The following USP36 variants were observed in gnomAD, a reference collection of about 807,000 sequenced individuals.
USP36 encodes the protein ubiquitin specific peptidase 36.
In USP36, 59 loss-of-function variants were observed where a neutral mutation model predicts 111.5. The observed-to-expected ratio is 0.53, with a 90% confidence interval of 0.43 to 0.66. USP36 has a LOEUF of 0.66. USP36 is among the 30% of genes least tolerant of loss of function. The pLI is 0.00. For synonymous variants in USP36, 628 were observed against 581.0 expected, an observed-to-expected ratio of 1.08 and a Z score of -1.16; for missense variants, 1,488 against 1,468.0, an observed-to-expected ratio of 1.01 and a Z score of -0.22.
At chr17:78,814,814 G>A (rs1277186094) in intron 10 of USP36, among the ~76,000 whole-genome samples, 1 of 152,162 alleles carries the variant, frequency 6.6e-6, no homozygotes, top group Non-Finnish European at 1.5e-5. Context: ...GCTGGGCATG[G>A]TGGTGCACTG....
chr17:78,835,296 C>T lies in USP36; in HGVS notation c.459G>A (p.Lys153=), dbSNP rs768856388. 4.3e-6 allele frequency: 7 copies of T among 1,614,036 alleles called. No homozygotes were observed. In the African/African-American group the frequency reaches 6.7e-5, roughly 15 times the overall value. ...TPPLANYLLS[K]EHARSCHQGS... ...CACACTCACAGCTGCGAGCATGCTC[C>T]TTGGAGAGCAGGTAGTTGGCTAGAG... The change falls in exon 4 of 21, where the codon AAG becomes AAA. Residue 153 remains lysine (K), a synonymous_variant. Transcript: ENST00000449938.
chr17:78,789,915 G>A (rs1049075438), intron 3 of USP36, among the ~76,000 whole-genome samples: 1 of 152,214 alleles, frequency 6.6e-6, no homozygotes, highest in Admixed American at 6.5e-5. Flanking sequence ...CACTGACTTT[G>A]ATGGACGGTG....
intron 2 of USP36, among the ~76,000 whole-genome samples, 157 bp downstream of exon 2, chr17:78,838,430 T>A (rs73393123): frequency 0.048 from 7,222 of 150,070 alleles, 580 homozygotes; most frequent in African/African-American, 0.17. Context: ...GAAGCTTATT[T>A]AAAAAAAAGC....
rs1292717108 is a variant in USP36, at chr17:78,836,289, C to T, written c.75G>A (p.Gly25=). The change falls in exon 3 of 21, where the codon GGG becomes GGA. Residue 25 remains glycine (G), a synonymous_variant. Coordinates refer to ENST00000449938, the MANE Select transcript of USP36 (RefSeq NM_001385174.1). ...TCTTGGCAGAGGAGGCAAGAAGCTT[C>T]CCCAGTTCTCCATCATCAGCCGAGT... ...RKDSADDGEL[G]KLLASSAKKV... 2.5e-6 allele frequency: 4 copies of T among 1,614,054 alleles called. No individual in the cohort carries two copies. Among genetic ancestry groups the T allele is most frequent in the Non-Finnish European group, 3.4e-6 (4 of 1,180,028 alleles).
intron 2 of USP36, among the ~76,000 whole-genome samples, chr17:78,838,309 T>C (rs561500481): frequency 6.7e-6 from 1 of 148,672 alleles, no homozygotes; most frequent in Non-Finnish European, 1.5e-5. Context: ...GAGGCAGAGG[T>C]TGGAGTGAGC....
rs771277017 is a variant in USP36, at chr17:78,798,423, G to C, written c.3369C>G (p.Arg1123=). Residue 1123 remains arginine (R), a synonymous_variant, in exon 20 of 21, where the codon CGC becomes CGG. Transcript: ENST00000449938. This position sits in a 1 kb window ranked among gnomAD's most constrained non-coding sequence, Gnocchi z 5.1. ...ACCTCCTTCCACAGGGGCACAGTCA[G>C]CGGCGATAGCTGAGGCTGGCAGCCT... The part of the protein sequence containing the change: ...PAKAASLSYR[R] The C allele has an allele frequency of 6.2e-7, 1 of 1,614,130 alleles. No individual in the cohort carries two copies. Among genetic ancestry groups the C allele is most frequent in the South Asian group, 1.1e-5 (1 of 91,084 alleles).
intron 8 of USP36, among the ~76,000 whole-genome samples, chr17:78,820,584 C>G (rs772258858): frequency 2.0e-5 from 3 of 152,196 alleles, no homozygotes; most frequent in African/African-American, 7.2e-5. Context: ...GTTGGCCCAG[C>G]AAAGGCAGAC....
At chr17:78,811,921 C>T (rs970713459) in intron 13 of USP36, among the ~76,000 whole-genome samples, 3 of 152,074 alleles carry the variant, frequency 2.0e-5, no homozygotes, top group African/African-American at 7.2e-5. Flanking sequence ...TAAGAGTTTG[C>T]TTGGTGCCTG....
At chr17:78,839,314 T>A (rs1293613855) in intron 1 of USP36, among the ~76,000 whole-genome samples, 1 of 152,156 alleles carries the variant, frequency 6.6e-6, no homozygotes, top group Non-Finnish European at 1.5e-5. Flanking sequence ...ATCTGACCCA[T>A]CCTGAGTCAC....
At position 78,813,038 on chromosome 17, in the gene USP36, C is replaced by G. The variant is rs747410231; in HGVS notation, c.1266-37G>C. On this transcript the variant is annotated intron_variant, in intron 12 of 20. Transcript: ENST00000449938. ...AGAAAACAAGTAGGGAATTCTCTTA[C>G]TAGGCATTACAGAAACGGAGAGAAT... 18 of 1,612,118 alleles carry G rather than the reference C, an allele frequency of 1.1e-5. No individual in the cohort carries two copies. The South Asian group carries it at 1.8e-4, about 16-fold the overall frequency.
intron 18 of USP36, among the ~76,000 whole-genome samples, 159 bp from the exon 19 acceptor site, chr17:78,799,182 C>G (rs567217359): frequency 6.6e-6 from 1 of 152,274 alleles, no homozygotes; most frequent in East Asian, 1.9e-4. Context: ...GACGGCTCGA[C>G]GCCCATGTGT....
At position 78,835,629 on chromosome 17, in the gene USP36, C is replaced by T. The variant is rs559250612; in HGVS notation, c.254-128G>A. ...CTCGGAACATGGCACCAGAGAAGAACTGGTGTTCTGGTTTACAGGACATTC... is the reference window on the plus strand; with the variant it reads ...CTCGGAACATGGCACCAGAGAAGAATTGGTGTTCTGGTTTACAGGACATTC... On this transcript the variant is annotated intron_variant, in intron 3 of 20. Transcript: ENST00000449938. 7.5e-5 allele frequency: 70 copies of T among 936,070 alleles called. No homozygotes were observed. The African/African-American group carries it at 1.1e-3, about 15-fold the overall frequency. 58.0% of individuals were successfully genotyped at this position (936,070 alleles called of 1,614,324 possible).
At chr17:78,820,100 T>C in intron 8 of USP36, 88 bp from the exon 9 acceptor site, 1 of 1,395,552 alleles carries the variant, frequency 7.2e-7, no homozygotes, top group East Asian at 2.3e-5. Context: ...TTTTTTAGGC[T>C]GAGGCAGCAA....
downstream of USP36, among the ~76,000 whole-genome samples, chr17:78,795,249 T>A (rs1456768419): frequency 1.3e-5 from 2 of 152,222 alleles, no homozygotes; most frequent in Admixed American, 1.3e-4. The surrounding 1 kb of genome is among the most constrained non-coding windows in gnomAD (Gnocchi z 4.5). Flanking sequence ...TCGCTTGTTC[T>A]TACTTGGCTG....
intron 13 of USP36, among the ~76,000 whole-genome samples, chr17:78,811,734 G>A (rs973465524): frequency 6.6e-6 from 1 of 152,102 alleles, no homozygotes; most frequent in Non-Finnish European, 1.5e-5. Context: ...CATGCATGGT[G>A]GCACACGCCT....
chr17:78,811,856 A>G (rs2094066573), intron 13 of USP36, among the ~76,000 whole-genome samples: 1 of 151,880 alleles, frequency 6.6e-6, no homozygotes, highest in Non-Finnish European at 1.5e-5. Context: ...CGACAGAATG[A>G]GACTCCGTCT....
chr17:78,825,158 G>C (rs1218478146), intron 6 of USP36, among the ~76,000 whole-genome samples: 1 of 152,078 alleles, frequency 6.6e-6, no homozygotes, highest in East Asian at 1.9e-4. Flanking sequence ...ATGGACAGAG[G>C]AGCAAACCAA....
At chr17:78,820,960 T>C (rs1409656254) in intron 8 of USP36, 31 bp downstream of exon 8, 4 of 1,596,678 alleles carry the variant, frequency 2.5e-6, no homozygotes, top group Non-Finnish European at 3.4e-6. Context: ...GCTCTCCTAC[T>C]GCAAAAGTGA....
chr17:78,796,741 C>T lies in USP36; in HGVS notation c.*1159G>A, dbSNP rs144058120. On this transcript the variant is annotated 3_prime_UTR_variant, in exon 21 of 21. Transcript: ENST00000449938. ...GAGCCACACTGAAGGAGGTCTAAGT[C>T]CAACACCACGTTGTCCATCTCCACC... The T allele has an allele frequency of 6.6e-6, 1 of 152,402 alleles. No individual in the cohort carries two copies. Among genetic ancestry groups the T allele is most frequent in the African/African-American group, 2.4e-5 (1 of 41,548 alleles). The allele number at this position is 152,402 out of a possible 1,614,324, so 9.4% of individuals were successfully genotyped here.
Sources: gnomAD v4.1 joint callset for allele counts (sites outside exome capture counted in the v4.1 genomes callset) on GRCh38, gnomAD v4.1.1 for gene constraint, Gnocchi (gnomAD v3.1) non-coding constraint, MANE v1.5 for transcripts, NCBI Gene and HGNC (gene_info 2026-07-23, HGNC 2026-07-21) for gene names.